CAMK4: variants seen among roughly 807,000 people sequenced by gnomAD.
The protein encoded by CAMK4 is calcium/calmodulin-dependent protein kinase type IV.
A neutral mutation model predicts 44.9 loss-of-function variants in CAMK4; 22 were observed. That is an observed-to-expected ratio of 0.49 (90% CI 0.35 to 0.70). The LOEUF (loss-of-function observed/expected upper bound fraction) is 0.70, where lower values mean the gene tolerates loss of function less well. Ranked by LOEUF, CAMK4 falls within the 30% of genes least tolerant of loss-of-function variation. The pLI is 0.01. For missense variants in CAMK4, 498 were observed against 586.8 expected (o/e 0.85, Z 1.56); for synonymous variants, 218 against 215.4 (o/e 1.01, Z -0.11).
At chr5:111,428,863 C>T (rs1201121845) in intron 5 of CAMK4, among the ~76,000 whole-genome samples, 1 of 151,954 alleles carries the variant, frequency 6.6e-6, no homozygotes, top group African/African-American at 2.4e-5. Flanking sequence ...TATAGAATAC[C>T]AAGAAGATGT....
chr5:111,288,062 A>G (rs1751309665), intron 1 of CAMK4, among the ~76,000 whole-genome samples: 1 of 152,212 alleles, frequency 6.6e-6, no homozygotes, highest in Non-Finnish European at 1.5e-5. Context: ...TATAAATGAA[A>G]TTATGTAGTG....
chr5:111,317,307 TG>T (rs1465597141), intron 1 of CAMK4, among the ~76,000 whole-genome samples: 4 of 152,160 alleles, frequency 2.6e-5, no homozygotes, highest in African/African-American at 9.7e-5. Flanking sequence ...GGCAACCATT[TG>T]TTCCTAGTTA....
At chr5:111,315,197 C>G (rs1748368831) in intron 1 of CAMK4, among the ~76,000 whole-genome samples, 1 of 152,110 alleles carries the variant, frequency 6.6e-6, no homozygotes, top group African/African-American at 2.4e-5. Context: ...ATTTTCTCCT[C>G]AAAATTTATC....
rs187781230 is a variant in CAMK4, at chr5:111,290,293, C to T, written c.162-53731C>T. On this transcript the variant is annotated intron_variant, in intron 1 of 10. Transcript: ENST00000282356. This position sits in a 1 kb window ranked among gnomAD's most constrained non-coding sequence, Gnocchi z 4.5. ...AATCTTAGAAGCAAGACCAATAGGT[C>T]CCATGGCTATGCAAACATTTTTGCA... 2.6e-4 allele frequency among the ~76,000 whole-genome samples: 39 copies of T among 152,284 alleles called. No homozygotes were observed. Among genetic ancestry groups the T allele is most frequent in the African/African-American group, 9.4e-4 (39 of 41,562 alleles).
chr5:111,373,486 G>A (rs1387562366), intron 2 of CAMK4, among the ~76,000 whole-genome samples: 1 of 151,994 alleles, frequency 6.6e-6, no homozygotes, highest in Admixed American at 6.6e-5. Context: ...ATTTTTTTGA[G>A]TATTCATTCC....
At chr5:111,382,842 CTT>C (rs1007849706) in intron 4 of CAMK4, among the ~76,000 whole-genome samples, 3 of 152,110 alleles carry the variant, frequency 2.0e-5, no homozygotes, top group African/African-American at 7.2e-5. Context: ...AAAAATAAAA[CTT>C]GAGATTAGTA....
chr5:111,237,439 G>A (rs1252773262), intron 1 of CAMK4, among the ~76,000 whole-genome samples: 1 of 152,202 alleles, frequency 6.6e-6, no homozygotes, highest in African/African-American at 2.4e-5. Context: ...AAGTAAGTAG[G>A]GCTCTAAGCC....
rs35117453 is a variant in CAMK4 at position 111,293,742 on chromosome 5, C to CTT, written c.162-50261_162-50260dup. Reference sequence around the variant, plus strand: ...GCCATCACGCCTGGCTGCTGCTCTACTTTTTTTTTTTTTTTTTTTTTTGAG... The same window carrying CTT: ...GCCATCACGCCTGGCTGCTGCTCTACTTTTTTTTTTTTTTTTTTTTTTTTGAG... On this transcript the variant is annotated intron_variant, in intron 1 of 10. Coordinates refer to ENST00000282356, the MANE Select transcript of CAMK4 (RefSeq NM_001744.6). Among the ~76,000 whole-genome samples the CTT allele has an allele frequency of 7.1e-3, 595 of 83,464 alleles. 25 individuals are homozygous for CTT. The highest frequency in any genetic ancestry group is 0.013 in the African/African-American group (238 of 18,734). 54.8% of individuals were successfully genotyped at this position (83,464 alleles called of 152,430 possible). A position where few individuals can be genotyped will look rare whatever the true frequency, so the allele number is the denominator to read the frequency against.
intron 1 of CAMK4, among the ~76,000 whole-genome samples, chr5:111,229,080 G>C (rs1748337770): frequency 6.6e-6 from 1 of 152,216 alleles, no homozygotes; most frequent in Non-Finnish European, 1.5e-5. Flanking sequence ...ACGAAAGCGT[G>C]CATTTTCTAA....
intron 1 of CAMK4, among the ~76,000 whole-genome samples, chr5:111,292,841 G>C (rs1747329382): frequency 6.6e-6 from 1 of 152,146 alleles, no homozygotes; most frequent in Non-Finnish European, 1.5e-5. Flanking sequence ...TGGGATAGGA[G>C]GATCATTTGA....
At chr5:111,272,498 G>C (rs374811169) in intron 1 of CAMK4, among the ~76,000 whole-genome samples, 3 of 152,098 alleles carry the variant, frequency 2.0e-5, no homozygotes, top group South Asian at 4.1e-4. Flanking sequence ...CTATAATCTT[G>C]AGAAACTACA....
Position 111,449,196 on chromosome 5 carries a change from G to A in CAMK4, c.618G>A (p.Gly206=), listed in dbSNP as rs757737575. Residue 206 remains glycine (G), a synonymous_variant, in exon 7 of 11, where the codon GGG becomes GGA. Coordinates refer to ENST00000282356, the MANE Select transcript of CAMK4 (RefSeq NM_001744.6). ...VLMKTVCGTP[G]YCAPEILRGC... ...TGAAGACAGTATGTGGAACCCCAGG[G>A]TACTGCGGTATGCTCTTTAATAATT... 2.7e-6 allele frequency: 4 copies of A among 1,477,408 alleles called. No homozygotes were observed. The highest frequency in any genetic ancestry group is 2.4e-5 in the South Asian group (2 of 83,484). 91.5% of individuals were successfully genotyped at this position (1,477,408 alleles called of 1,614,324 possible).
Position 111,267,488 on chromosome 5 carries a change from G to A in CAMK4, c.161+42844G>A, listed in dbSNP as rs557852915. 3.3e-4 allele frequency among the ~76,000 whole-genome samples: 50 copies of A among 151,994 alleles called. No homozygotes were observed. The South Asian group carries it at 8.7e-3, about 26-fold the overall frequency. ...TCCCAGCACTTTGGGAGGCCGAGGC[G>A]GGCGGATCACGAGGTCAGGAGATCG... On this transcript the variant is annotated intron_variant, in intron 1 of 10. Transcript: ENST00000282356.
intron 7 of CAMK4, among the ~76,000 whole-genome samples, chr5:111,465,801 T>C (rs543419727): frequency 6.6e-6 from 1 of 152,274 alleles, no homozygotes; most frequent in Non-Finnish European, 1.5e-5. Flanking sequence ...ACCAATCCTA[T>C]TGACACTATT....
intron 4 of CAMK4, 79 bp downstream of exon 4, chr5:111,377,021 G>A: frequency 1.2e-6 from 1 of 854,848 alleles, no homozygotes; most frequent in Admixed American, 2.3e-5. Context: ...CATTTCTCCT[G>A]AAACTTTTTA....
chr5:111,383,735 G>A lies in CAMK4; in HGVS notation c.386+6793G>A, dbSNP rs1751499285. Among the ~76,000 whole-genome samples, 4 of 151,944 alleles carry A rather than the reference G, an allele frequency of 2.6e-5. No homozygotes were observed. In the South Asian group the frequency reaches 8.3e-4, roughly 32 times the overall value. ...CCACCTCGGCCTCCCAAAGTGCTGG[G>A]ATTACAAGCATGAGTCACCCCGCCC... On this transcript the variant is annotated intron_variant, in intron 4 of 10. Coordinates refer to ENST00000282356, the MANE Select transcript of CAMK4 (RefSeq NM_001744.6).
intron 4 of CAMK4, among the ~76,000 whole-genome samples, chr5:111,384,263 A>G (rs1185861242): frequency 6.6e-6 from 1 of 152,132 alleles, no homozygotes; most frequent in Non-Finnish European, 1.5e-5. Context: ...GTAGCATTAT[A>G]TATTACTGGC....
At chr5:111,456,931 TG>T (rs1170313923) in intron 7 of CAMK4, among the ~76,000 whole-genome samples, 3 of 152,254 alleles carry the variant, frequency 2.0e-5, no homozygotes, top group Non-Finnish European at 4.4e-5. Context: ...GTCTCCTCAG[TG>T]ATCAGACACT....
At chr5:111,344,417 T>TAC (rs1561427067) in intron 2 of CAMK4, among the ~76,000 whole-genome samples, 7 of 145,656 alleles carry the variant, frequency 4.8e-5, no homozygotes, top group African/African-American at 7.5e-5. Context: ...TATATGTATA[T>TAC]ACACACACAC....
Sources: gnomAD v4.1 joint callset for allele counts (sites outside exome capture counted in the v4.1 genomes callset) on GRCh38, gnomAD v4.1.1 for gene constraint, Gnocchi (gnomAD v3.1) non-coding constraint, MANE v1.5 for transcripts, NCBI Gene and HGNC (gene_info 2026-07-23, HGNC 2026-07-21) for gene names.